The following MBD5 variants were observed in gnomAD, a reference collection of about 807,000 sequenced individuals.
MBD5 encodes the protein methyl-CpG binding domain protein 5, also known as methyl-CpG-binding domain protein 5.
A neutral mutation model predicts 117.3 loss-of-function variants in MBD5; 13 were observed. The ratio of observed to expected loss-of-function variants is 0.11; its 90% confidence interval spans 0.07 to 0.18. The LOEUF is 0.18. Among genes scored for constraint, MBD5 ranks in the 10% least tolerant of loss-of-function variants. The probability of loss-of-function intolerance (pLI) is 1.00; values close to 1 mark genes in which losing one functional copy is unlikely to be tolerated. For synonymous variants in MBD5, 727 were observed against 766.4 expected, an observed-to-expected ratio of 0.95 and a Z score of 0.85; for missense variants, 1,879 against 2,093.8, an observed-to-expected ratio of 0.90 and a Z score of 2.00.
At chr2:148,376,807 ATAT>A (rs112950732) in intron 4 of MBD5, among the ~76,000 whole-genome samples, 37 of 126,038 alleles carry the variant, frequency 2.9e-4, no homozygotes, top group East Asian at 6.9e-4. Flanking sequence ...TTTATATATA[ATAT>A]TATAATTTAT....
In MBD5 at chr2:148,458,647, T is replaced by C. The variant is rs1446383184; in HGVS notation, c.-112T>C. ...AAGCTTCCCAATGCGTTTTGTACAGTCTGGGAAAAACTGTGCTGCACTGGC... is the reference window on the plus strand; with the variant it reads ...AAGCTTCCCAATGCGTTTTGTACAGCCTGGGAAAAACTGTGCTGCACTGGC... On this transcript the variant is annotated 5_prime_UTR_variant, in exon 5 of 14. Transcript: ENST00000642680. 4.6e-6 allele frequency: 4 copies of C among 879,054 alleles called. No homozygotes were observed. Among genetic ancestry groups the C allele is most frequent in the Non-Finnish European group, 7.6e-6 (4 of 523,426 alleles). 54.5% of individuals were successfully genotyped at this position (879,054 alleles called of 1,614,324 possible).
intron 1 of MBD5, among the ~76,000 whole-genome samples, chr2:148,074,507 G>GTTTTTTTTTTTTTGTT (rs11443189): frequency 5.3e-5 from 6 of 113,770 alleles, no homozygotes; most frequent in African/African-American, 2.1e-4. Flanking sequence ...TTTTTTTTTT[G>GTTTTTTTTTTTTTGTT]TTTTTTTTTT....
chr2:148,085,184 A>G (rs890992623), intron 1 of MBD5, among the ~76,000 whole-genome samples: 1 of 152,204 alleles, frequency 6.6e-6, no homozygotes, highest in Non-Finnish European at 1.5e-5. Flanking sequence ...GGAAACAAGG[A>G]ATGGTGGGTT....
intron 7 of MBD5, among the ~76,000 whole-genome samples, chr2:148,467,922 G>T (rs1432532027): frequency 6.6e-6 from 1 of 152,052 alleles, no homozygotes; most frequent in Admixed American, 6.6e-5. Flanking sequence ...ATTTTCTATT[G>T]TAACTGCATT....
intron 1 of MBD5, among the ~76,000 whole-genome samples, chr2:148,033,422 AT>A (rs1694095984): frequency 6.6e-6 from 1 of 152,092 alleles, no homozygotes; most frequent in South Asian, 2.1e-4. Context: ...AAGAAATTTA[AT>A]TTTTTAATTC....
chr2:148,440,292 T>G (rs1010793642), intron 4 of MBD5, among the ~76,000 whole-genome samples: 3 of 152,200 alleles, frequency 2.0e-5, no homozygotes, highest in African/African-American at 7.2e-5. Context: ...TTTCTAATCC[T>G]TAGTTCACTG....
chr2:148,510,652 T>G (rs992917607), intron 13 of MBD5, among the ~76,000 whole-genome samples: 1 of 152,232 alleles, frequency 6.6e-6, no homozygotes, highest in Non-Finnish European at 1.5e-5. Flanking sequence ...AATATAATTT[T>G]GGTAATCTGT....
intron 3 of MBD5, among the ~76,000 whole-genome samples, chr2:148,315,414 T>C (rs889048401): frequency 1.3e-5 from 2 of 152,218 alleles, no homozygotes; most frequent in Admixed American, 6.5e-5. Flanking sequence ...TGTTTTAATA[T>C]AAAAATAATG....
intron 4 of MBD5, among the ~76,000 whole-genome samples, chr2:148,353,902 T>C (rs1311927944): frequency 6.6e-6 from 1 of 152,074 alleles, no homozygotes; most frequent in Non-Finnish European, 1.5e-5. Context: ...TTATCTCTAT[T>C]TTTAGTTTCT....
In MBD5 at chr2:148,433,325, A is replaced by G. The variant is rs533566087; in HGVS notation, c.-556-24878A>G. On this transcript the variant is annotated intron_variant, in intron 4 of 13. Transcript: ENST00000642680. ...ACAGGGGTAGTTTGACTTCCTCTCT[A>G]TTTGGATGCCTTTTATCTCTTTCTC... is the stretch of plus-strand genomic sequence containing the variant. Among the ~76,000 whole-genome samples, 5 of 152,184 alleles carry G rather than the reference A, an allele frequency of 3.3e-5. No homozygotes were observed. In the South Asian group the frequency reaches 1.0e-3, roughly 32 times the overall value.
chr2:148,429,348 C>G (rs1705910534), intron 4 of MBD5, among the ~76,000 whole-genome samples: 2 of 152,180 alleles, frequency 1.3e-5, no homozygotes, highest in African/African-American at 2.4e-5. Context: ...CAGGAAACAA[C>G]AGATGCTGGG....
In MBD5 at chr2:148,180,428, C is replaced by T. The variant is rs188685925; in HGVS notation, c.-831+1635C>T. Among the ~76,000 whole-genome samples, 19 of 148,416 alleles carry T rather than the reference C, an allele frequency of 1.3e-4. 1 individual carries two copies. In the Admixed American group the frequency reaches 1.3e-3, roughly 10 times the overall value. On this transcript the variant is annotated intron_variant, in intron 2 of 13. Transcript: ENST00000642680. ...AGTTGCTCAGACTAGATTTGAGCTC[C>T]TGGGCTCCAGCAATCCTCCCACCTC...
intron 11 of MBD5, among the ~76,000 whole-genome samples, chr2:148,497,594 T>C (rs994623984): frequency 6.6e-6 from 1 of 151,822 alleles, no homozygotes; most frequent in African/African-American, 2.4e-5. Context: ...GAGGCTAAGG[T>C]AGGATGATCA....
intron 3 of MBD5, among the ~76,000 whole-genome samples, chr2:148,256,567 G>T (rs1048917445): frequency 4.6e-5 from 7 of 152,248 alleles, no homozygotes; most frequent in Non-Finnish European, 4.4e-5. Context: ...ATTACCATCA[G>T]TGTCACCTCC....
intron 3 of MBD5, among the ~76,000 whole-genome samples, chr2:148,306,397 A>T (rs1701894195): frequency 6.6e-6 from 1 of 152,254 alleles, no homozygotes; most frequent in African/African-American, 2.4e-5. Context: ...TTCCAGTCAA[A>T]GCCTTGGTAA....
intron 1 of MBD5, among the ~76,000 whole-genome samples, chr2:148,088,546 G>A (rs911187356): frequency 6.6e-6 from 1 of 152,208 alleles, no homozygotes; most frequent in African/African-American, 2.4e-5. Flanking sequence ...AGGGACTAGG[G>A]TCCTATTTTT....
At chr2:148,169,900 CTTT>C (rs11284103) in intron 1 of MBD5, among the ~76,000 whole-genome samples, 20 of 132,042 alleles carry the variant, frequency 1.5e-4, no homozygotes, top group Admixed American at 1.5e-4. Flanking sequence ...AGGGATTCTT[CTTT>C]TTTTTTTTTT....
chr2:148,289,807 T>C (rs1295626723), intron 3 of MBD5, among the ~76,000 whole-genome samples: 1 of 149,518 alleles, frequency 6.7e-6, no homozygotes, highest in Admixed American at 6.7e-5. Flanking sequence ...GTCACTGCTT[T>C]GCAAAAAATG....
intron 1 of MBD5, among the ~76,000 whole-genome samples, chr2:148,150,340 A>G (rs1306016337): frequency 1.5e-4 from 22 of 150,688 alleles, no homozygotes; most frequent in Non-Finnish European, 2.4e-4. Context: ...TTTGGTTACT[A>G]TAGCCTTGTA....
Sources: allele counts gnomAD v4.1 joint callset (sites outside exome capture counted in the v4.1 genomes callset), GRCh38; gene constraint gnomAD v4.1.1; transcripts MANE v1.5; gene names NCBI Gene and HGNC (gene_info 2026-07-23, HGNC 2026-07-21).